Variants in GCKR observed in about 807,000 individuals in gnomAD.
The protein encoded by GCKR is glucokinase regulator.
A neutral mutation model predicts 82.9 loss-of-function variants in GCKR; 73 were observed. The observed-to-expected ratio is 0.88, with a 90% CI of 0.73 to 1.07. The LOEUF (loss-of-function observed/expected upper bound fraction) is 1.07, where lower values mean the gene tolerates loss of function less well. Among genes scored for constraint, GCKR ranks in the 50% least tolerant of loss-of-function variants. The pLI, the probability that GCKR is intolerant of heterozygous loss-of-function variation, is 0.00. For synonymous variants in GCKR, 294 were observed against 291.8 expected, an observed-to-expected ratio of 1.01 and a Z score of -0.08; for missense variants, 784 against 782.1, an observed-to-expected ratio of 1.00 and a Z score of -0.03.
chr2:27,505,413 A>G (rs957931827), intron 9 of GCKR, among the ~76,000 whole-genome samples: 5 of 150,940 alleles, frequency 3.3e-5, no homozygotes, highest in Non-Finnish European at 5.9e-5. Flanking sequence ...CAAAAAAAAA[A>G]AAAAAAGAAA....
Position 27,506,554 on chromosome 2 carries a change from A to T in GCKR, c.943A>T (p.Thr315Ser). The change falls in exon 11 of 19, where the codon ACC becomes TCC. Residue 315 changes from threonine to serine, a missense_variant. By Grantham distance (58) the Thr-to-Ser change is moderately conservative. Transcript: ENST00000264717. Reference protein sequence around the residue: ...VTYSQSPKIATLMKSVSTSLE... With the variant: ...VTYSQSPKIASLMKSVSTSLE... ...CTACAGCCAAAGCCCCAAGATTGCC[A>T]CCCTGATGAAGAGTGTCAGCACCAG... 6.2e-7 allele frequency: 1 copy of T among 1,612,476 alleles called. No individual in the cohort carries two copies. Among genetic ancestry groups the T allele is most frequent in the Non-Finnish European group, 8.5e-7 (1 of 1,178,520 alleles).
At chr2:27,499,020 C>T in intron 5 of GCKR, 122 bp from the exon 6 acceptor site, 1 of 745,904 alleles carries the variant, frequency 1.3e-6, no homozygotes, top group Admixed American at 2.0e-5. Context: ...CACCAACAAA[C>T]TGTGGGTGCT....
At chr2:27,507,167 C>T (rs1271988667) in intron 12 of GCKR, 68 bp from the exon 13 acceptor site, 4 of 1,119,236 alleles carry the variant, frequency 3.6e-6, no homozygotes, top group African/African-American at 3.1e-5. Flanking sequence ...TTTTCTCCCC[C>T]TGAAGCCTAG....
At chr2:27,511,494 C>T (rs1395927135) in intron 16 of GCKR, among the ~76,000 whole-genome samples, 7 of 151,160 alleles carry the variant, frequency 4.6e-5, no homozygotes, top group South Asian at 2.1e-4. Context: ...GTCAAGAGTT[C>T]GAGACCACCC....
chr2:27,500,984 C>T (rs1669558928), intron 7 of GCKR, 151 bp from the exon 8 acceptor site: 1 of 769,558 alleles, frequency 1.3e-6, no homozygotes, highest in Non-Finnish European at 2.4e-6. Flanking sequence ...AAAACGTGCT[C>T]CCCCTTCAAA....
chr2:27,499,508 G>A (rs1251135885), intron 7 of GCKR, 58 bp downstream of exon 7: 1 of 1,101,652 alleles, frequency 9.1e-7, no homozygotes, highest in East Asian at 2.3e-5. Flanking sequence ...GAGTGGGAAT[G>A]GAATAGCATG....
At chr2:27,509,105 G>C (rs539458308) in intron 16 of GCKR, among the ~76,000 whole-genome samples, 1 of 152,030 alleles carries the variant, frequency 6.6e-6, no homozygotes, top group African/African-American at 2.4e-5. Context: ...TTACATCTCT[G>C]GTTCTCAGTT....
At chr2:27,499,643 G>A (rs1438068321) in intron 7 of GCKR, among the ~76,000 whole-genome samples, 193 bp downstream of exon 7, 1 of 152,338 alleles carries the variant, frequency 6.6e-6, no homozygotes, top group African/African-American at 2.4e-5. Flanking sequence ...TTCTATTTCA[G>A]AATAACTGTG....
At chr2:27,499,074 C>A (rs1669501909) in intron 5 of GCKR, 68 bp from the exon 6 acceptor site, 1 of 918,446 alleles carries the variant, frequency 1.1e-6, no homozygotes, top group Non-Finnish European at 1.8e-6. Context: ...CTTAATGTAG[C>A]CTGCCCTAAT....
At chr2:27,497,036 C>T (rs1041052571) in intron 1 of GCKR, 72 bp downstream of exon 1, 50 of 1,351,918 alleles carry the variant, frequency 3.7e-5, no homozygotes, top group African/African-American at 1.7e-4. Context: ...CTTCCCTCCC[C>T]GCTGGTTTCT....
intron 8 of GCKR, among the ~76,000 whole-genome samples, chr2:27,502,759 C>A (rs767114811): frequency 6.6e-6 from 1 of 152,094 alleles, no homozygotes; most frequent in Admixed American, 6.5e-5. Context: ...AGGGAGGGAA[C>A]CTTTGCAGGA....
At position 27,497,327 on chromosome 2, in the gene GCKR, C is replaced by T; in HGVS notation, c.144C>T (p.Asn48=). The part of the protein sequence containing the change: ...TQDLDKADAE[N]IVRLLGQCDA... Reference sequence around the variant, plus strand: ...ATCTAGACAAAGCAGATGCTGAGAACATTGTTCGACTGCTAGGGCAATGTG... The same window carrying T: ...ATCTAGACAAAGCAGATGCTGAGAATATTGTTCGACTGCTAGGGCAATGTG... The change falls in exon 2 of 19, where the codon AAC becomes AAT. Residue 48 remains asparagine, a synonymous_variant. Transcript: ENST00000264717. 1 of 1,614,158 alleles carries T rather than the reference C, an allele frequency of 6.2e-7. No individual in the cohort carries two copies. The highest frequency in any genetic ancestry group is 8.5e-7 in the Non-Finnish European group (1 of 1,180,012).
At chr2:27,499,701 C>A (rs1398423955) in intron 7 of GCKR, among the ~76,000 whole-genome samples, 1 of 152,180 alleles carries the variant, frequency 6.6e-6, no homozygotes, top group East Asian at 1.9e-4. Flanking sequence ...CAGGGGTAAG[C>A]AAAATATACT....
intron 18 of GCKR, 82 bp downstream of exon 18, chr2:27,522,676 T>A (rs1670180333): frequency 1.6e-6 from 2 of 1,215,272 alleles, no homozygotes; most frequent in South Asian, 2.4e-5. Flanking sequence ...GCACTGGGTT[T>A]ACAAAGCTCA....
chr2:27,522,426 T>C (rs1171045979), intron 17 of GCKR, 34 bp from the exon 18 acceptor site: 1 of 1,612,792 alleles, frequency 6.2e-7, no homozygotes, highest in Admixed American at 1.7e-5. Context: ...CTCTGGCCTT[T>C]AGCCTGACAC....
chr2:27,518,866 C>G lies in GCKR; in HGVS notation c.1501C>G (p.Leu501Val). The change falls in exon 17 of 19, where the codon CTA (leucine) becomes GTA (valine). Residue 501 changes from leucine (L) to valine (V), a missense_variant. Transcript: ENST00000264717. ...TGAHVLLGKI[L>V]QNHMLDLRIS... ...TGCTCATGTGCTTCTTGGTAAGATC[C>G]TACAAAACCACATGTTGGACCTTCG... is the stretch of plus-strand genomic sequence containing the variant. 6.2e-7 allele frequency: 1 copy of G among 1,611,036 alleles called. No homozygotes were observed. Among genetic ancestry groups the G allele is most frequent in the Admixed American group, 1.7e-5 (1 of 59,946 alleles).
Position 27,523,422 on chromosome 2 carries a change from G to C in GCKR, c.1861G>C (p.Glu621Gln). The stretch of plus-strand genomic sequence containing the variant: ...CACTGCGGACCCCCTCGAGATCCTA[G>C]AGCCTGACGTTCAGTGAACCCATGT... ...KRTADPLEIL[E>Q]PDVQ The change falls in exon 19 of 19, where the codon GAG (glutamate) becomes CAG (glutamine). Residue 621 changes from glutamate to glutamine, a missense_variant. By Grantham distance (29) the Glu-to-Gln change is conservative. Transcript: ENST00000264717. The C allele has an allele frequency of 6.2e-7, 1 of 1,607,858 alleles. No individual in the cohort carries two copies. Among genetic ancestry groups the C allele is most frequent in the East Asian group, 2.2e-5 (1 of 44,888 alleles).
In GCKR at chr2:27,497,218, C is replaced by T. The variant is rs753155359; in HGVS notation, c.61-26C>T. 19 of 1,613,978 alleles carry T rather than the reference C, an allele frequency of 1.2e-5. No individual in the cohort carries two copies. In the South Asian group the frequency reaches 1.4e-4, roughly 12 times the overall value. ...ATGAATGAGGCTTTGGCTTCCTGCT[C>T]CATCCTTGTCCCCTCTTCCTTCTAG... On this transcript the variant is annotated intron_variant, in intron 1 of 18. Transcript: ENST00000264717.
intron 16 of GCKR, among the ~76,000 whole-genome samples, chr2:27,517,132 C>T (rs758439086): frequency 6.6e-6 from 1 of 151,810 alleles, no homozygotes; most frequent in Non-Finnish European, 1.5e-5. Context: ...CCTGCCTCAG[C>T]CTCCTAAGTA....
Sources: gnomAD v4.1 joint callset for allele counts (sites outside exome capture counted in the v4.1 genomes callset) on GRCh38, gnomAD v4.1.1 for gene constraint, MANE v1.5 for transcripts, NCBI Gene and HGNC (gene_info 2026-07-23, HGNC 2026-07-21) for gene names.